DNMT3A: variants seen among roughly 807,000 people sequenced by gnomAD.
The protein encoded by DNMT3A is DNA (cytosine-5)-methyltransferase 3A.
DNMT3A carries 267 observed loss-of-function variants against 117.6 expected under a neutral mutation model. The observed-to-expected ratio is 2.27, with a 90% CI of 2.05 to 2.51. The LOEUF (loss-of-function observed/expected upper bound fraction) is 2.51, where lower values mean the gene tolerates loss of function less well. Ranked by LOEUF, DNMT3A falls within the 30% of genes most tolerant of loss-of-function variation. The pLI is 0.00. For synonymous variants in DNMT3A, 432 were observed against 474.8 expected (o/e 0.91, Z 1.17); for missense variants, 1,029 against 1,260.2 (o/e 0.82, Z 2.78).
intron 18 of DNMT3A, 43 bp from the exon 19 acceptor site, chr2:25,240,493 A>G (rs1673879058): frequency 6.3e-7 from 1 of 1,587,450 alleles, no homozygotes; most frequent in Non-Finnish European, 8.6e-7. Flanking sequence ...GGCTGTCTGC[A>G]TAGGACAGTG....
In DNMT3A at chr2:25,282,637, G is replaced by A. The variant is rs1404310573; in HGVS notation, c.252C>T (p.Ala84=). The A allele has an allele frequency of 6.2e-7, 1 of 1,613,024 alleles. No individual in the cohort carries two copies. The highest frequency in any genetic ancestry group is 8.5e-7 in the Non-Finnish European group (1 of 1,179,522). The change falls in exon 4 of 23, where the codon GCC becomes GCT. Residue 84 remains alanine, a synonymous_variant. Transcript: ENST00000321117. The surrounding 1 kb of genome is among the most constrained non-coding windows in gnomAD (Gnocchi z 5.2). ...KSPSMAQDSG[A]SELLPNGDLE... ...AGTCCCCATTGGGTAATAGCTCTGAGGCGCCTGAGTCCTGGGCCATGGATG... is the reference window on the plus strand; with the variant it reads ...AGTCCCCATTGGGTAATAGCTCTGAAGCGCCTGAGTCCTGGGCCATGGATG...
rs186498702 is a variant in DNMT3A at position 25,277,181 on chromosome 2, A to C, written c.449-1638T>G. Among the ~76,000 whole-genome samples the C allele has an allele frequency of 4.2e-3, 637 of 152,202 alleles. 5 individuals carry two copies. The highest frequency in any genetic ancestry group is 0.014 in the African/African-American group (581 of 41,542). The stretch of plus-strand genomic sequence containing the variant: ...GCGCGTGGGCGGGCGCGCACTCGCC[A>C]GCGCTTTGTTCGTGACCGGCCTTTT... On this transcript the variant is annotated intron_variant, in intron 4 of 22. Coordinates refer to ENST00000321117, the MANE Select transcript of DNMT3A (RefSeq NM_022552.5).
chr2:25,319,293 C>T (rs2149435647), intron 1 of DNMT3A, among the ~76,000 whole-genome samples: 1 of 151,732 alleles, frequency 6.6e-6, no homozygotes, highest in African/African-American at 2.4e-5. Context: ...GGATTACAGG[C>T]ATGAGCCACC....
intron 6 of DNMT3A, among the ~76,000 whole-genome samples, chr2:25,264,132 G>GTGTTTTTTTTT (rs2029956936): frequency 1.4e-5 from 1 of 73,740 alleles, no homozygotes; most frequent in African/African-American, 5.5e-5. Context: ...CAACCCTTTG[G>GTGTTTTTTTTT]TTTTTTTTTT....
intron 2 of DNMT3A, among the ~76,000 whole-genome samples, chr2:25,301,740 C>T (rs1323825032): frequency 6.6e-6 from 1 of 152,168 alleles, no homozygotes; most frequent in East Asian, 1.9e-4. Flanking sequence ...CCACAGGCTG[C>T]TCTTCATACC....
chr2:25,266,973 G>A (rs569770485), intron 6 of DNMT3A, among the ~76,000 whole-genome samples: 2 of 152,110 alleles, frequency 1.3e-5, no homozygotes, highest in Admixed American at 6.6e-5. Context: ...GATGTTCACC[G>A]CTGCAATGCT....
chr2:25,297,506 TG>T (rs1422170770), intron 3 of DNMT3A, among the ~76,000 whole-genome samples: 6 of 148,938 alleles, frequency 4.0e-5, no homozygotes, highest in African/African-American at 1.0e-4. Context: ...AGCTCTGCAT[TG>T]TTTTTTTTTT....
Position 25,317,804 on chromosome 2 carries a change from C to T in DNMT3A, c.-177-3643G>A, listed in dbSNP as rs368782526. ...AGGCTGGAGTGCAATGCCGCGATCT[C>T]GGCTCACCGCAACCTCCGCCTCGCG... On this transcript the variant is annotated intron_variant, in intron 1 of 22. Coordinates refer to ENST00000321117, the MANE Select transcript of DNMT3A (RefSeq NM_022552.5). 2.3e-4 allele frequency among the ~76,000 whole-genome samples: 35 copies of T among 152,352 alleles called. No individual in the cohort carries two copies. In the South Asian group the frequency reaches 7.0e-3, roughly 31 times the overall value.
rs545380036 is a variant in DNMT3A at position 25,236,807 on chromosome 2, C to T, written c.2478+129G>A. On this transcript the variant is annotated intron_variant, in intron 21 of 22. Coordinates refer to ENST00000321117, the MANE Select transcript of DNMT3A (RefSeq NM_022552.5). This position sits in a 1 kb window ranked among gnomAD's most constrained non-coding sequence, Gnocchi z 4.5. ...GCTGCCCTGCTGCATGACCCTGCAC[C>T]GTCTCCTAAATTGCATTCTCCACAC... The T allele has an allele frequency of 5.0e-4, 492 of 987,650 alleles. 2 individuals are homozygous for T. In the African/African-American group the frequency reaches 6.2e-3, roughly 12 times the overall value. The allele number at this position is 987,650 out of a possible 1,614,324, so 61.2% of individuals were successfully genotyped here. A position where few individuals can be genotyped will look rare whatever the true frequency, so the allele number is the denominator to read the frequency against.
chr2:25,317,277 G>A (rs1349258470), intron 1 of DNMT3A, among the ~76,000 whole-genome samples: 3 of 149,534 alleles, frequency 2.0e-5, no homozygotes, highest in Non-Finnish European at 4.4e-5. Context: ...GCCCAGGCTG[G>A]TCTTGAACAC....
intron 12 of DNMT3A, 116 bp from the exon 13 acceptor site, chr2:25,245,448 A>G (rs1674640924): frequency 2.2e-6 from 2 of 905,996 alleles, no homozygotes; most frequent in African/African-American, 1.6e-5. Flanking sequence ...CGGCAGCCAG[A>G]AAAGAGTCCA....
chr2:25,320,502 A>G (rs559641644), intron 1 of DNMT3A, among the ~76,000 whole-genome samples: 2 of 152,240 alleles, frequency 1.3e-5, no homozygotes, highest in African/African-American at 4.8e-5. Context: ...ATTATGTGTC[A>G]GTTAAAAAGA....
chr2:25,300,092 G>A (rs1382568699), intron 3 of DNMT3A, 47 bp downstream of exon 3: 3 of 1,591,332 alleles, frequency 1.9e-6, no homozygotes, highest in South Asian at 2.3e-5. Flanking sequence ...CCAGGCACGT[G>A]TGTGTTGTGT....
intron 6 of DNMT3A, among the ~76,000 whole-genome samples, chr2:25,273,258 G>A (rs2031097150): frequency 6.6e-6 from 1 of 152,036 alleles, no homozygotes; most frequent in Non-Finnish European, 1.5e-5. Context: ...TTACAGGCAT[G>A]AGCCACCACG....
Position 25,294,481 on chromosome 2 carries a change from A to T in DNMT3A, c.177+5658T>A, listed in dbSNP as rs531948741. ...CCTCTAGGGGTGGGCCAAGGGCTGC[A>T]GCCCAGGAGTGGGAGACACGATGTC... On this transcript the variant is annotated intron_variant, in intron 3 of 22. Coordinates refer to ENST00000321117, the MANE Select transcript of DNMT3A (RefSeq NM_022552.5). The surrounding 1 kb of genome is among the most constrained non-coding windows in gnomAD (Gnocchi z 4.7). 6.6e-6 allele frequency among the ~76,000 whole-genome samples: 1 copy of T among 152,292 alleles called. No homozygotes were observed. Among genetic ancestry groups the T allele is most frequent in the South Asian group, 2.1e-4 (1 of 4,828 alleles).
intron 6 of DNMT3A, among the ~76,000 whole-genome samples, chr2:25,267,674 G>A (rs563542864): frequency 6.6e-6 from 1 of 152,308 alleles, no homozygotes; most frequent in South Asian, 2.1e-4. Flanking sequence ...AAATTATAAA[G>A]TTCCTATTAT....
At chr2:25,277,342 G>C (rs2031509405) in intron 4 of DNMT3A, among the ~76,000 whole-genome samples, 1 of 152,048 alleles carries the variant, frequency 6.6e-6, no homozygotes, top group Admixed American at 6.5e-5. Context: ...TCCCAGGCCA[G>C]GGCTTCCCCC....
intron 6 of DNMT3A, among the ~76,000 whole-genome samples, chr2:25,256,257 T>G (rs1385642811): frequency 1.3e-5 from 2 of 152,196 alleles, no homozygotes; most frequent in Non-Finnish European, 2.9e-5. Context: ...GTCAACACTC[T>G]GCGTGACATT....
At position 25,282,460 on chromosome 2, in the gene DNMT3A, T is replaced by A. The variant is rs767155995; in HGVS notation, c.429A>T (p.Arg143=). 6 of 1,612,760 alleles carry A rather than the reference T, an allele frequency of 3.7e-6. No individual in the cohort carries two copies. Among genetic ancestry groups the A allele is most frequent in the Non-Finnish European group, 5.1e-6 (6 of 1,179,820 alleles). ...ACTCACCCGCTTCTGCAGGGGCTCCTCGGCCCTCCTTGGGGGTGCAGCAGC... is the reference window on the plus strand; with the variant it reads ...ACTCACCCGCTTCTGCAGGGGCTCCACGGCCCTCCTTGGGGGTGCAGCAGC... ...ENGCCTPKEG[R]GAPAEAGKEQ... The change falls in exon 4 of 23, where the codon CGA becomes CGT. Residue 143 remains arginine (R), a synonymous_variant. Transcript: ENST00000321117. This position sits in a 1 kb window ranked among gnomAD's most constrained non-coding sequence, Gnocchi z 5.2.
Sources: allele counts gnomAD v4.1 joint callset (sites outside exome capture counted in the v4.1 genomes callset), GRCh38; gene constraint gnomAD v4.1.1; non-coding constraint Gnocchi (gnomAD v3.1); transcripts MANE v1.5; gene names NCBI Gene and HGNC (gene_info 2026-07-23, HGNC 2026-07-21).